FAM171A1: variants seen among roughly 807,000 people sequenced by gnomAD.
FAM171A1 encodes the protein family with sequence similarity 171 member A1, also known as protein FAM171A1.
A neutral mutation model predicts 74.9 loss-of-function variants in FAM171A1; 23 were observed. The observed-to-expected ratio is 0.31, with a 90% CI of 0.22 to 0.44. The LOEUF is 0.44. FAM171A1 is among the 20% of genes least tolerant of loss of function. FAM171A1 has a pLI of 1.00. For missense variants in FAM171A1, 1,162 were observed against 1,159.2 expected (o/e 1.00, Z -0.03); for synonymous variants, 527 against 505.7 (o/e 1.04, Z -0.57).
intron 1 of FAM171A1, among the ~76,000 whole-genome samples, chr10:15,351,567 C>CAATGGATGGATGGATG (rs1554757200): frequency 6.8e-5 from 10 of 146,470 alleles, no homozygotes; most frequent in African/African-American, 2.3e-4. Context: ...AAAGTAGGGA[C>CAATGGATGGATGGATG]GATGGATGGA....
At chr10:15,317,176 T>C (rs1001409818) in intron 1 of FAM171A1, among the ~76,000 whole-genome samples, 1 of 151,676 alleles carries the variant, frequency 6.6e-6, no homozygotes, top group African/African-American at 2.4e-5. Context: ...GAAAGGCGTA[T>C]GTTGGGAGTG....
At chr10:15,248,487 G>A in intron 5 of FAM171A1, 152 bp downstream of exon 5, 2 of 696,072 alleles carry the variant, frequency 2.9e-6, no homozygotes, top group Non-Finnish European at 2.2e-6. Context: ...ACGGGGAAGG[G>A]TGCCGTCCCC....
chr10:15,348,790 C>T (rs1230805880), intron 1 of FAM171A1, among the ~76,000 whole-genome samples: 2 of 152,238 alleles, frequency 1.3e-5, no homozygotes, highest in Admixed American at 6.5e-5. Flanking sequence ...GAAAAGCTGG[C>T]TGAGTGAATT....
At chr10:15,228,303 A>C (rs1046194925) in intron 5 of FAM171A1, among the ~76,000 whole-genome samples, 1 of 151,342 alleles carries the variant, frequency 6.6e-6, no homozygotes, top group African/African-American at 2.4e-5. Context: ...TTTGAGAAAG[A>C]GATTAGCCAA....
intron 1 of FAM171A1, among the ~76,000 whole-genome samples, chr10:15,317,213 A>G (rs4748158): frequency 0.98 from 148,454 of 152,212 alleles, 72,493 homozygotes; most frequent in East Asian, 1. Flanking sequence ...AGGAAAGGCA[A>G]GGCCAGGAAG....
In FAM171A1 at chr10:15,277,631, G is replaced by C. The variant is rs550543449; in HGVS notation, c.326-1684C>G. Among the ~76,000 whole-genome samples, 20 of 152,328 alleles carry C rather than the reference G, an allele frequency of 1.3e-4. 2 individuals are homozygous for C. The South Asian group carries it at 4.1e-3, about 32-fold the overall frequency. On this transcript the variant is annotated intron_variant, in intron 2 of 7. Transcript: ENST00000378116. Reference sequence around the variant, plus strand: ...CACAGCTAATAAATGCCAGGGCTACGATTTGAACTCTGGAGTTCTCAACCA... The same window carrying C: ...CACAGCTAATAAATGCCAGGGCTACCATTTGAACTCTGGAGTTCTCAACCA...
At chr10:15,219,684 C>T (rs534463974) in intron 6 of FAM171A1, among the ~76,000 whole-genome samples, 4 of 152,270 alleles carry the variant, frequency 2.6e-5, no homozygotes, top group South Asian at 2.1e-4. Context: ...TGGGTTCAAG[C>T]GATTCTCCTG....
At chr10:15,358,418 A>G (rs11259621) in intron 1 of FAM171A1, among the ~76,000 whole-genome samples, 49,871 of 152,216 alleles carry the variant, frequency 0.33, 10,179 homozygotes, top group East Asian at 0.67. Flanking sequence ...TCATTATGCT[A>G]TATGAATCCA....
chr10:15,339,846 G>A (rs868040832), intron 1 of FAM171A1, among the ~76,000 whole-genome samples: 8 of 152,096 alleles, frequency 5.3e-5, no homozygotes, highest in African/African-American at 9.7e-5. Flanking sequence ...CGTGTGGCTC[G>A]GGAGGCCTCA....
chr10:15,288,086 G>GT (rs1469337127), intron 1 of FAM171A1, among the ~76,000 whole-genome samples: 1 of 152,186 alleles, frequency 6.6e-6, no homozygotes, highest in African/African-American at 2.4e-5. Flanking sequence ...TGCTGCAAAT[G>GT]TAATTATTTC....
chr10:15,250,693 A>C (rs972188504), intron 4 of FAM171A1, among the ~76,000 whole-genome samples: 1 of 152,186 alleles, frequency 6.6e-6, no homozygotes, highest in Non-Finnish European at 1.5e-5. Flanking sequence ...CTGGGAAGTG[A>C]AGGCTGCAGT....
chr10:15,265,544 A>C (rs1457016583), intron 3 of FAM171A1, among the ~76,000 whole-genome samples: 1 of 134,726 alleles, frequency 7.4e-6, no homozygotes, highest in Non-Finnish European at 1.6e-5. Context: ...AAGCCTGGGA[A>C]GTTGAGGCAA....
At chr10:15,270,943 G>A (rs1455335590) in intron 3 of FAM171A1, among the ~76,000 whole-genome samples, 1 of 152,194 alleles carries the variant, frequency 6.6e-6, no homozygotes, top group African/African-American at 2.4e-5. Flanking sequence ...GAGCAGAAAA[G>A]CTGAAAATTC....
chr10:15,305,233 G>T (rs572890007), intron 1 of FAM171A1, among the ~76,000 whole-genome samples: 1 of 152,280 alleles, frequency 6.6e-6, no homozygotes, highest in South Asian at 2.1e-4. Flanking sequence ...TAACAGTTTA[G>T]GCTGCATGAA....
chr10:15,339,187 G>C (rs766401439), intron 1 of FAM171A1, among the ~76,000 whole-genome samples: 1 of 152,196 alleles, frequency 6.6e-6, no homozygotes, highest in Non-Finnish European at 1.5e-5. Flanking sequence ...AAAAACTGCA[G>C]AGACAACACT....
At chr10:15,310,378 G>A (rs899271616) in intron 1 of FAM171A1, among the ~76,000 whole-genome samples, 1 of 152,158 alleles carries the variant, frequency 6.6e-6, no homozygotes, top group Non-Finnish European at 1.5e-5. Context: ...GGTGACCTAA[G>A]AAGGTTAAAC....
Position 15,284,043 on chromosome 10 carries a change from T to A in FAM171A1, c.160A>T (p.Ile54Phe). ...STHQPVADAL[I>F]EIFTNQASIA... ...GAGGCCTGGTTGGTGAAGATCTCGA[T>A]GAGCGCATCTGCTACGGGCTGGTGG... is the stretch of plus-strand genomic sequence containing the variant. The change falls in exon 2 of 8, where the codon ATC becomes TTC. Residue 54 changes from isoleucine (I) to phenylalanine (F), a missense_variant. Transcript: ENST00000378116. The A allele has an allele frequency of 6.2e-7, 1 of 1,614,090 alleles. No homozygotes were observed. The highest frequency in any genetic ancestry group is 8.5e-7 in the Non-Finnish European group (1 of 1,180,022).
chr10:15,249,890 A>G (rs1211705811), intron 4 of FAM171A1, among the ~76,000 whole-genome samples: 1 of 152,242 alleles, frequency 6.6e-6, no homozygotes, highest in Non-Finnish European at 1.5e-5. Context: ...ACAATATCGC[A>G]CAAACTGTGT....
chr10:15,370,196 C>G (rs1836119562), intron 1 of FAM171A1, among the ~76,000 whole-genome samples: 1 of 146,640 alleles, frequency 6.8e-6, no homozygotes, highest in Non-Finnish European at 1.5e-5. Flanking sequence ...AAAGACGAGA[C>G]AAAAGGCACG....
Sources: allele counts gnomAD v4.1 joint callset (sites outside exome capture counted in the v4.1 genomes callset), GRCh38; gene constraint gnomAD v4.1.1; transcripts MANE v1.5; gene names NCBI Gene and HGNC (gene_info 2026-07-23, HGNC 2026-07-21).